Variants in DCHS2 observed in about 807,000 individuals in gnomAD.
DCHS2 encodes the protein dachsous cadherin-related 2, also known as protocadherin-23.
Under a neutral mutation model 182.4 loss-of-function variants are expected in DCHS2, and 142 were observed. The ratio of observed to expected loss-of-function variants is 0.78; its 90% CI spans 0.68 to 0.89. The LOEUF (loss-of-function observed/expected upper bound fraction) is 0.89. Among genes scored for constraint, DCHS2 ranks in the 40% least tolerant of loss-of-function variants. The probability of loss-of-function intolerance (pLI) is 0.00; values close to 1 mark genes in which losing one functional copy is unlikely to be tolerated. For synonymous variants in DCHS2, 1,740 were observed against 1,663.3 expected, an observed-to-expected ratio of 1.05 and a Z score of -1.12; for missense variants, 4,319 against 4,198.6, an observed-to-expected ratio of 1.03 and a Z score of -0.79.
At chr4:154,309,177 T>G (rs1249223849) in intron 10 of DCHS2, among the ~76,000 whole-genome samples, 1 of 152,230 alleles carries the variant, frequency 6.6e-6, no homozygotes, top group Admixed American at 6.5e-5. Context: ...CTCTTTTCAG[T>G]TCTTCACATG....
intron 7 of DCHS2, 64 bp downstream of exon 7, chr4:154,328,029 A>T: frequency 8.5e-7 from 1 of 1,172,592 alleles, no homozygotes; most frequent in Non-Finnish European, 1.2e-6. Context: ...CCAGAAGGGG[A>T]TAGTTGATAA....
At chr4:154,298,785 A>C in intron 12 of DCHS2, 77 bp from the exon 13 acceptor site, 1 of 1,478,762 alleles carries the variant, frequency 6.8e-7, no homozygotes, top group Non-Finnish European at 9.0e-7. Flanking sequence ...TATGGTATTC[A>C]TTTATACATT....
chr4:154,407,214 T>C (rs1379583219), intron 1 of DCHS2, among the ~76,000 whole-genome samples: 2 of 152,316 alleles, frequency 1.3e-5, no homozygotes, highest in African/African-American at 4.8e-5. Flanking sequence ...TTCACCATCA[T>C]GGGGATTTTC....
At chr4:154,412,556 T>C (rs1032343290) in intron 1 of DCHS2, among the ~76,000 whole-genome samples, 11 of 151,882 alleles carry the variant, frequency 7.2e-5, no homozygotes, top group African/African-American at 2.7e-4. Flanking sequence ...AAAACTGAAA[T>C]CTTATTCACA....
At chr4:154,408,584 G>C (rs1732494773) in intron 1 of DCHS2, among the ~76,000 whole-genome samples, 1 of 152,142 alleles carries the variant, frequency 6.6e-6, no homozygotes. Context: ...CCAACTAGAA[G>C]CCCTTAGCAC....
intron 13 of DCHS2, among the ~76,000 whole-genome samples, chr4:154,282,139 G>A (rs1734175093): frequency 6.6e-6 from 1 of 151,876 alleles, no homozygotes; most frequent in Non-Finnish European, 1.5e-5. Flanking sequence ...TTGGATATAA[G>A]ACCAAAAGCA....
At chr4:154,271,163 T>G (rs549756819) in intron 13 of DCHS2, among the ~76,000 whole-genome samples, 5 of 152,074 alleles carry the variant, frequency 3.3e-5, no homozygotes, top group African/African-American at 1.2e-4. Flanking sequence ...GGGAATAAAT[T>G]TAAATAGGAA....
chr4:154,478,576 T>C (rs1255916413), intron 1 of DCHS2, among the ~76,000 whole-genome samples: 1 of 152,120 alleles, frequency 6.6e-6, no homozygotes, highest in Non-Finnish European at 1.5e-5. Flanking sequence ...ACACAGTCTT[T>C]CTGGACACAA....
chr4:154,297,921 T>A lies in DCHS2; in HGVS notation c.6393A>T (p.Glu2131Asp). Reference protein sequence around the residue: ...TTTGLLVIHMEGEDVKISFSH... With the variant: ...TTTGLLVIHMDGEDVKISFSH... ...TGAAGGAAATCTTTACATCTTCTCC[T>A]TCCATGTGAATGACCAAGAGACCCG... is the stretch of plus-strand genomic sequence containing the variant. The change falls in exon 13 of 20, where the codon GAA becomes GAT. Residue 2131 changes from glutamate (E) to aspartate (D), a missense_variant. Coordinates refer to ENST00000357232, the MANE Select transcript of DCHS2 (RefSeq NM_001358235.2). The A allele has an allele frequency of 2.5e-6, 4 of 1,614,124 alleles. No homozygotes were observed. The highest frequency in any genetic ancestry group is 3.4e-6 in the Non-Finnish European group (4 of 1,179,994).
intron 1 of DCHS2, among the ~76,000 whole-genome samples, chr4:154,394,067 T>A (rs896378882): frequency 6.6e-6 from 1 of 152,012 alleles, no homozygotes; most frequent in Non-Finnish European, 1.5e-5. Context: ...CTCTCTCAAA[T>A]CAGTAATCAC....
At chr4:154,478,088 A>T (rs926365419) in intron 1 of DCHS2, among the ~76,000 whole-genome samples, 3 of 152,264 alleles carry the variant, frequency 2.0e-5, no homozygotes, top group Non-Finnish European at 4.4e-5. Context: ...AGCATTTACT[A>T]CTAGTAACAC....
chr4:154,488,785 T>C (rs1050913096), intron 1 of DCHS2, among the ~76,000 whole-genome samples: 1 of 152,008 alleles, frequency 6.6e-6, no homozygotes, highest in African/African-American at 2.4e-5. Flanking sequence ...GGCAGGAGAA[T>C]TGCTTGAGTC....
chr4:154,242,934 A>G (rs1731897986), intron 16 of DCHS2, among the ~76,000 whole-genome samples, 162 bp from the exon 17 acceptor site: 1 of 152,236 alleles, frequency 6.6e-6, no homozygotes, highest in Admixed American at 6.5e-5. Flanking sequence ...GTATTTCATA[A>G]GAATGGTACT....
chr4:154,343,452 T>A, intron 3 of DCHS2: 6 of 1,404,056 alleles, frequency 4.3e-6, no homozygotes, highest in Non-Finnish European at 4.7e-6. Flanking sequence ...GAAAATCTAT[T>A]GTTTAGTGTA....
chr4:154,438,434 G>A (rs146431519), intron 1 of DCHS2, among the ~76,000 whole-genome samples: 26 of 152,218 alleles, frequency 1.7e-4, no homozygotes, highest in South Asian at 4.2e-4. Flanking sequence ...TAATTTTAGG[G>A]TAGCTTTAAT....
At chr4:154,421,439 G>A (rs1392558914) in intron 1 of DCHS2, among the ~76,000 whole-genome samples, 1 of 151,766 alleles carries the variant, frequency 6.6e-6, no homozygotes, top group South Asian at 2.1e-4. Flanking sequence ...CTGTCACCCA[G>A]GCTGGAGTGC....
chr4:154,470,849 T>C (rs1366279185), intron 1 of DCHS2, among the ~76,000 whole-genome samples: 1 of 152,198 alleles, frequency 6.6e-6, no homozygotes. Context: ...TTTCCCTTTG[T>C]AATACTTGGT....
At chr4:154,388,639 C>T (rs904902209) in intron 1 of DCHS2, among the ~76,000 whole-genome samples, 2 of 151,718 alleles carry the variant, frequency 1.3e-5, no homozygotes, top group Non-Finnish European at 1.5e-5. Flanking sequence ...GGATTACAGG[C>T]GCACATCACC....
chr4:154,466,677 A>G (rs1735253631), intron 1 of DCHS2, among the ~76,000 whole-genome samples: 1 of 152,224 alleles, frequency 6.6e-6, no homozygotes, highest in South Asian at 2.1e-4. Context: ...TGATAGCTCT[A>G]AAAGCTGAAC....
Sources: allele counts gnomAD v4.1 joint callset (sites outside exome capture counted in the v4.1 genomes callset), GRCh38; gene constraint gnomAD v4.1.1; transcripts MANE v1.5; gene names NCBI Gene and HGNC (gene_info 2026-07-23, HGNC 2026-07-21).